Variants in SHLD1 observed in about 807,000 individuals in gnomAD.
SHLD1 encodes the protein shieldin complex subunit 1.
In SHLD1, 3 loss-of-function variants were observed where a neutral mutation model predicts 5.5. That is an observed-to-expected ratio of 0.54 (90% confidence interval 0.25 to 1.40). The LOEUF (loss-of-function observed/expected upper bound fraction) is 1.40. Ranked by LOEUF, SHLD1 falls within the 40% of genes most tolerant of loss-of-function variation. The pLI, the probability that SHLD1 is intolerant of heterozygous loss-of-function variation, is 0.15. For synonymous variants in SHLD1, 92 were observed against 94.3 expected (o/e 0.98, Z 0.14); for missense variants, 210 against 244.4 (o/e 0.86, Z 0.94).
chr20:5,859,681 G>A (rs2088135307), intron 2 of SHLD1, among the ~76,000 whole-genome samples: 1 of 152,230 alleles, frequency 6.6e-6, no homozygotes, highest in Non-Finnish European at 1.5e-5. Flanking sequence ...ATAGTTGGTA[G>A]TAAAGCAAAT....
intron 2 of SHLD1, among the ~76,000 whole-genome samples, chr20:5,814,356 AG>A (rs572390028): frequency 5.4e-4 from 82 of 152,306 alleles, no homozygotes; most frequent in African/African-American, 1.9e-3. Flanking sequence ...CACTGGCAAA[AG>A]TAAGCTTCAT....
chr20:5,839,585 A>G (rs112010312), intron 2 of SHLD1, among the ~76,000 whole-genome samples: 73 of 152,340 alleles, frequency 4.8e-4, no homozygotes, highest in African/African-American at 1.7e-3. Context: ...GTGTGGAAGT[A>G]CATGTTCAGA....
chr20:5,836,052 A>G lies in SHLD1; in HGVS notation c.179-26972A>G, dbSNP rs148177721. 2.2e-3 allele frequency among the ~76,000 whole-genome samples: 323 copies of G among 149,184 alleles called. 4 individuals carry two copies. The highest frequency in any genetic ancestry group is 7.6e-3 in the African/African-American group (307 of 40,402). ...TGTAACAGTGGTTGAGATAGAAACT[A>G]TTTTCTGTCTATTTTTTTTTCTCGT... On this transcript the variant is annotated intron_variant, in intron 2 of 2. Transcript: ENST00000303142.
intron 2 of SHLD1, among the ~76,000 whole-genome samples, chr20:5,813,448 C>T (rs1290706626): frequency 6.6e-6 from 1 of 152,144 alleles, no homozygotes; most frequent in Non-Finnish European, 1.5e-5. Flanking sequence ...GAGATTGTGC[C>T]ACTGCACTCC....
intron 1 of SHLD1, 40 bp from the exon 2 acceptor site, chr20:5,772,822 G>T: frequency 6.5e-7 from 1 of 1,546,130 alleles, no homozygotes; most frequent in African/African-American, 1.4e-5. Flanking sequence ...CTGCTATGTG[G>T]TGCCTTTTGT....
intron 1 of SHLD1, among the ~76,000 whole-genome samples, chr20:5,752,887 T>C (rs1050665421): frequency 1.3e-5 from 2 of 152,134 alleles, no homozygotes; most frequent in African/African-American, 2.4e-5. Context: ...CTCCACCTCC[T>C]GGGTTCAAGC....
At chr20:5,761,794 G>T (rs1336461922) in intron 1 of SHLD1, among the ~76,000 whole-genome samples, 1 of 151,502 alleles carries the variant, frequency 6.6e-6, no homozygotes, top group Non-Finnish European at 1.5e-5. Flanking sequence ...TTTTAGTAGA[G>T]ATGGGGTTTT....
At chr20:5,843,838 G>A (rs1476779681) in intron 2 of SHLD1, among the ~76,000 whole-genome samples, 1 of 152,144 alleles carries the variant, frequency 6.6e-6, no homozygotes, top group Non-Finnish European at 1.5e-5. Context: ...CCTCGCGAAG[G>A]TGGAAATTCA....
intron 2 of SHLD1, among the ~76,000 whole-genome samples, chr20:5,790,891 G>A (rs575949942): frequency 1.3e-4 from 20 of 152,240 alleles, no homozygotes; most frequent in African/African-American, 1.9e-4. Context: ...GGCTGAGCGC[G>A]GTGGCTCACG....
At chr20:5,850,580 G>A (rs143051458) in intron 2 of SHLD1, among the ~76,000 whole-genome samples, 2,188 of 147,544 alleles carry the variant, frequency 0.015, 23 homozygotes, top group African/African-American at 0.029. Flanking sequence ...GTGTGATCTC[G>A]GCTCACTGCA....
In SHLD1 at chr20:5,806,386, CT is replaced by C. The variant is rs1600141141; in HGVS notation, c.178+33344del. On this transcript the variant is annotated intron_variant, in intron 2 of 2. Transcript: ENST00000303142. The surrounding 1 kb of genome is among the most constrained non-coding windows in gnomAD (Gnocchi z 7.6). Reference sequence around the variant, plus strand: ...TAGAACATTTGCTTATCTCCCGTCCCTCTATCACTTACCCCATCCTTTGTGA... The same window carrying C: ...TAGAACATTTGCTTATCTCCCGTCCCCTATCACTTACCCCATCCTTTGTGA... Among the ~76,000 whole-genome samples the C allele has an allele frequency of 6.6e-6, 1 of 152,330 alleles. No homozygotes were observed. The highest frequency in any genetic ancestry group is 1.9e-4 in the East Asian group (1 of 5,194).
chr20:5,840,292 C>T (rs2087842006), intron 2 of SHLD1, among the ~76,000 whole-genome samples: 1 of 152,140 alleles, frequency 6.6e-6, no homozygotes, highest in Non-Finnish European at 1.5e-5. Flanking sequence ...TTAGTCCACT[C>T]AATACCTATT....
intron 2 of SHLD1, among the ~76,000 whole-genome samples, chr20:5,817,096 C>G (rs944230031): frequency 6.6e-6 from 1 of 151,982 alleles, no homozygotes; most frequent in Non-Finnish European, 1.5e-5. Context: ...AAAATAAAAC[C>G]TTGAGGATAT....
chr20:5,849,511 A>G (rs2087974154), intron 2 of SHLD1, among the ~76,000 whole-genome samples: 1 of 152,206 alleles, frequency 6.6e-6, no homozygotes, highest in South Asian at 2.1e-4. Context: ...GCCCTCTGGG[A>G]CATAACTGTG....
chr20:5,863,472 G>T lies in SHLD1; in HGVS notation c.*9G>T, dbSNP rs374958074. The T allele has an allele frequency of 1.9e-6, 3 of 1,584,184 alleles. No individual in the cohort carries two copies. The South Asian group carries it at 3.6e-5, about 19-fold the overall frequency. ...TAATGAAAGACCTGTAACTGGTGCC[G>T]GGCAGTGTGCAGGGTAGTAATGGAG... On this transcript the variant is annotated 3_prime_UTR_variant, in exon 3 of 3. Coordinates refer to ENST00000303142, the MANE Select transcript of SHLD1 (RefSeq NM_152504.4).
At chr20:5,816,524 T>G (rs2087532761) in intron 2 of SHLD1, among the ~76,000 whole-genome samples, 1 of 152,166 alleles carries the variant, frequency 6.6e-6, no homozygotes. Context: ...TTGAGGGCAA[T>G]ATCTACATTT....
intron 2 of SHLD1, among the ~76,000 whole-genome samples, chr20:5,853,211 C>T (rs996425396): frequency 3.3e-5 from 5 of 152,132 alleles, no homozygotes; most frequent in East Asian, 3.9e-4. Flanking sequence ...AACAAATGGT[C>T]GGGCATGGTG....
intron 2 of SHLD1, among the ~76,000 whole-genome samples, chr20:5,850,151 T>C (rs946855829): frequency 2.0e-5 from 3 of 146,810 alleles, no homozygotes; most frequent in African/African-American, 7.6e-5. Flanking sequence ...ATAATAATAA[T>C]TAACTGAGAC....
At chr20:5,827,797 C>A (rs535249890) in intron 2 of SHLD1, among the ~76,000 whole-genome samples, 18 of 152,224 alleles carry the variant, frequency 1.2e-4, no homozygotes, top group Non-Finnish European at 2.6e-4. Flanking sequence ...TGATTCGACA[C>A]GTACTTCATT....
Sources: allele counts gnomAD v4.1 joint callset (sites outside exome capture counted in the v4.1 genomes callset), GRCh38; gene constraint gnomAD v4.1.1; non-coding constraint Gnocchi (gnomAD v3.1); transcripts MANE v1.5; gene names NCBI Gene and HGNC (gene_info 2026-07-23, HGNC 2026-07-21).